Variants in SLC5A7 observed in about 807,000 individuals in gnomAD.
SLC5A7 encodes the protein solute carrier family 5 member 7, also known as high affinity choline transporter 1.
Under a neutral mutation model 55.4 loss-of-function variants are expected in SLC5A7, and 19 were observed. That is an observed-to-expected ratio of 0.34 (90% CI 0.24 to 0.50). The LOEUF is 0.50. Ranked by LOEUF, SLC5A7 falls within the 20% of genes least tolerant of loss-of-function variation. The pLI, the probability that SLC5A7 is intolerant of heterozygous loss-of-function variation, is 0.98. For synonymous variants in SLC5A7, 265 were observed against 263.7 expected (o/e 1.00, Z -0.05); for missense variants, 506 against 705.3 (o/e 0.72, Z 3.20).
intron 8 of SLC5A7, among the ~76,000 whole-genome samples, chr2:108,009,671 A>G (rs185687016): frequency 6.6e-6 from 1 of 152,276 alleles, no homozygotes; most frequent in East Asian, 1.9e-4. Flanking sequence ...ATAGTATTCC[A>G]TGGTATACAT....
At chr2:107,990,104 TA>T (rs1195376725) in intron 2 of SLC5A7, among the ~76,000 whole-genome samples, 1 of 152,194 alleles carries the variant, frequency 6.6e-6, no homozygotes, top group African/African-American at 2.4e-5. Context: ...AGAATAGAGA[TA>T]AAAAATGTTG....
chr2:107,990,509 A>G (rs1677415015), intron 2 of SLC5A7, among the ~76,000 whole-genome samples: 3 of 152,170 alleles, frequency 2.0e-5, no homozygotes, highest in Non-Finnish European at 4.4e-5. Context: ...TTACACACAC[A>G]GTGAAAAAAA....
At chr2:107,998,026 TA>T (rs756111233) in intron 5 of SLC5A7, 40 bp downstream of exon 5, 4 of 1,582,656 alleles carry the variant, frequency 2.5e-6, no homozygotes, top group Non-Finnish European at 1.7e-6. Context: ...TTTTTTTCTG[TA>T]AAAGGTAATG....
At chr2:108,000,540 C>T (rs1177128233) in intron 5 of SLC5A7, among the ~76,000 whole-genome samples, 1 of 152,148 alleles carries the variant, frequency 6.6e-6, no homozygotes. Context: ...TCAAGCAATC[C>T]TCTAACAGTG....
rs1248988999 is a variant in SLC5A7 at position 108,013,302 on chromosome 2, C to G, written c.*2441C>G. The G allele has an allele frequency of 1.3e-5, 2 of 152,128 alleles. No homozygotes were observed. Among genetic ancestry groups the G allele is most frequent in the Non-Finnish European group, 2.9e-5 (2 of 68,018 alleles). 9.4% of individuals were successfully genotyped at this position (152,128 alleles called of 1,614,324 possible). A position where few individuals can be genotyped will look rare whatever the true frequency, so the allele number is the denominator to read the frequency against. On this transcript the variant is annotated 3_prime_UTR_variant, in exon 9 of 9. Transcript: ENST00000264047. ...ATTGTATTTAACCCATTATTCCTCA[C>G]CTACCCTCAAAGTAGGTATACAAAA...
chr2:108,004,070 T>C (rs1220593126), intron 6 of SLC5A7, among the ~76,000 whole-genome samples: 8 of 152,258 alleles, frequency 5.3e-5, no homozygotes, highest in Admixed American at 5.2e-4. Context: ...AGACCCCACC[T>C]CTGAATAGTA....
chr2:108,001,530 G>C (rs1378619819), intron 5 of SLC5A7, among the ~76,000 whole-genome samples: 1 of 151,218 alleles, frequency 6.6e-6, no homozygotes, highest in Non-Finnish European at 1.5e-5. Flanking sequence ...AAAATTAGCC[G>C]GGCGTAGTGG....
chr2:108,001,977 G>A lies in SLC5A7; in HGVS notation c.678G>A (p.Lys226=). The change falls in exon 6 of 9, where the codon AAG becomes AAA. Residue 226 remains lysine, a synonymous_variant. Coordinates refer to ENST00000264047, the MANE Select transcript of SLC5A7 (RefSeq NM_021815.5). ...GFTAVHAKYQ[K]PWLGTVDSSE... ...CTGCTGTGCATGCCAAATACCAAAA[G>A]CCGTGGCTGGGAACTGTTGACTCAT... The A allele has an allele frequency of 6.2e-7, 1 of 1,614,174 alleles. No individual in the cohort carries two copies. Among genetic ancestry groups the A allele is most frequent in the Non-Finnish European group, 8.5e-7 (1 of 1,180,032 alleles).
At chr2:108,002,380 A>G (rs1368868881) in intron 6 of SLC5A7, among the ~76,000 whole-genome samples, 1 of 152,228 alleles carries the variant, frequency 6.6e-6, no homozygotes, top group African/African-American at 2.4e-5. Context: ...TGTGTTTTGA[A>G]TTAAGGCATG....
Position 108,008,291 on chromosome 2 carries a change from A to G in SLC5A7, c.896-174A>G, listed in dbSNP as rs145104302. Among the ~76,000 whole-genome samples, 121 of 152,346 alleles carry G rather than the reference A, an allele frequency of 7.9e-4. 1 individual carries two copies. The East Asian group carries it at 0.014, about 18-fold the overall frequency. On this transcript the variant is annotated intron_variant, in intron 7 of 8. Coordinates refer to ENST00000264047, the MANE Select transcript of SLC5A7 (RefSeq NM_021815.5). ...ACACTAACTATAACCAATACCTTTT[A>G]GAAGCCAAGAGATATAAGACATTTC... is the stretch of plus-strand genomic sequence containing the variant.
intron 1 of SLC5A7, among the ~76,000 whole-genome samples, chr2:107,986,999 T>G (rs1476313699): frequency 6.6e-6 from 1 of 151,794 alleles, no homozygotes; most frequent in African/African-American, 2.4e-5. Context: ...CGGGAGAGCA[T>G]CGGGCTGCTG....
chr2:108,005,568 G>A (rs1193884417), intron 6 of SLC5A7, among the ~76,000 whole-genome samples: 1 of 152,222 alleles, frequency 6.6e-6, no homozygotes, highest in African/African-American at 2.4e-5. Flanking sequence ...TCTTAGTTCA[G>A]TTGGGTAACA....
Position 107,992,957 on chromosome 2 carries a change from T to G in SLC5A7, c.293-15T>G. On this transcript the variant is annotated splice_polypyrimidine_tract_variant and intron_variant, in intron 3 of 8. Transcript: ENST00000264047. ...ATTCTTTTTATTTTCTCCTAAACAGTTGCTTAATTTTTAGGTGGCCTGTTC... is the reference window on the plus strand; with the variant it reads ...ATTCTTTTTATTTTCTCCTAAACAGGTGCTTAATTTTTAGGTGGCCTGTTC... 6.2e-7 allele frequency: 1 copy of G among 1,611,876 alleles called. No homozygotes were observed. Among genetic ancestry groups the G allele is most frequent in the Non-Finnish European group, 8.5e-7 (1 of 1,179,088 alleles).
chr2:107,991,971 T>TATTC (rs1232106140), intron 2 of SLC5A7, 135 bp from the exon 3 acceptor site: 1 of 440,728 alleles, frequency 2.3e-6, no homozygotes, highest in Non-Finnish European at 4.2e-6. Flanking sequence ...GTTTATTTTA[T>TATTC]ATTCCTAAAA....
At chr2:107,994,026 C>T (rs570327997) in intron 4 of SLC5A7, among the ~76,000 whole-genome samples, 3 of 152,256 alleles carry the variant, frequency 2.0e-5, no homozygotes, top group South Asian at 4.1e-4. Flanking sequence ...CTTGCCCATG[C>T]CTTAGCGTCT....
rs375230115 is a variant in SLC5A7 at position 107,987,047 on chromosome 2, A to G, written c.-52+284A>G. 1.1e-4 allele frequency among the ~76,000 whole-genome samples: 17 copies of G among 152,130 alleles called. No homozygotes were observed. The East Asian group carries it at 2.1e-3, about 19-fold the overall frequency. ...TGCCTGCTTGGTTGCTCACAAAGGC[A>G]GAGAAGACACAGCCCGCGGGCGCTT... On this transcript the variant is annotated intron_variant, in intron 1 of 8. Transcript: ENST00000264047.
At chr2:108,001,764 C>A in intron 5 of SLC5A7, 133 bp from the exon 6 acceptor site, 3 of 804,500 alleles carry the variant, frequency 3.7e-6, no homozygotes, top group South Asian at 2.5e-5. Context: ...AAACAGAGAA[C>A]ATGATTTCCG....
intron 6 of SLC5A7, among the ~76,000 whole-genome samples, chr2:108,002,417 CA>C (rs1341615840): frequency 6.6e-6 from 1 of 152,202 alleles, no homozygotes; most frequent in African/African-American, 2.4e-5. Context: ...ATAAGTCTCT[CA>C]TTCACTCTTG....
Position 107,986,693 on chromosome 2 carries a change from C to G in SLC5A7, c.-122C>G, listed in dbSNP as rs1677250991. 1 of 152,596 alleles carries G rather than the reference C, an allele frequency of 6.6e-6. No individual in the cohort carries two copies. The highest frequency in any genetic ancestry group is 1.5e-5 in the Non-Finnish European group (1 of 68,404). The allele number at this position is 152,596 out of a possible 1,614,324, so 9.5% of individuals were successfully genotyped here. A position where few individuals can be genotyped will look rare whatever the true frequency, so the allele number is the denominator to read the frequency against. On this transcript the variant is annotated 5_prime_UTR_variant, in exon 1 of 9. Transcript: ENST00000264047. ...CACCCTCCCTTTCTGCACCCTCGCA[C>G]CCACACCCCTCGCGGTTCCAGGGGG...
Sources: gnomAD v4.1 joint callset for allele counts (sites outside exome capture counted in the v4.1 genomes callset) on GRCh38, gnomAD v4.1.1 for gene constraint, MANE v1.5 for transcripts, NCBI Gene and HGNC (gene_info 2026-07-23, HGNC 2026-07-21) for gene names.